Variants in SLC38A9 observed in about 807,000 individuals in gnomAD.
SLC38A9 encodes the protein neutral amino acid transporter 9.
Under a neutral mutation model 62.3 loss-of-function variants are expected in SLC38A9, and 48 were observed. The observed-to-expected ratio is 0.77, with a 90% confidence interval of 0.61 to 0.98. SLC38A9 has a LOEUF of 0.98. Ranked by LOEUF, SLC38A9 falls within the 50% of genes least tolerant of loss-of-function variation. The pLI is 0.00. For synonymous variants in SLC38A9, 204 were observed against 227.7 expected (o/e 0.90, Z 0.94); for missense variants, 541 against 679.8 (o/e 0.80, Z 2.27).
intron 12 of SLC38A9, among the ~76,000 whole-genome samples, chr5:55,644,808 C>A (rs1746045375): frequency 6.6e-6 from 1 of 152,024 alleles, no homozygotes. Context: ...TGCTGGTGTG[C>A]TGCACCCATT....
At chr5:55,665,858 G>C (rs1750373164) in intron 7 of SLC38A9, among the ~76,000 whole-genome samples, 1 of 152,152 alleles carries the variant, frequency 6.6e-6, no homozygotes, top group African/African-American at 2.4e-5. Context: ...AGCTACTCAG[G>C]AGGCTGAGGT....
chr5:55,633,502 T>A, intron 14 of SLC38A9: 1 of 392,116 alleles, frequency 2.6e-6, no homozygotes. Context: ...AGCAATTAAA[T>A]AATAAGATAA....
At chr5:55,662,020 G>C (rs892139735) in intron 8 of SLC38A9, among the ~76,000 whole-genome samples, 28 of 152,102 alleles carry the variant, frequency 1.8e-4, no homozygotes, top group Admixed American at 1.8e-3. Context: ...GTGGAACAAG[G>C]GTAACTTTCA....
At chr5:55,691,329 G>A in intron 3 of SLC38A9, 3 of 1,450,310 alleles carry the variant, frequency 2.1e-6, no homozygotes, top group East Asian at 2.5e-5. Flanking sequence ...TGGTGAATAA[G>A]GGGCAGAAGA....
intron 3 of SLC38A9, chr5:55,696,851 G>A (rs6864532): frequency 0.47 from 70,572 of 151,100 alleles, 16,090 homozygotes; most frequent in South Asian, 0.57. Context: ...CAGACGGGGC[G>A]GCCGGGCAGA....
intron 14 of SLC38A9, 23 bp from the exon 15 acceptor site, chr5:55,628,003 G>A: frequency 6.5e-7 from 1 of 1,544,068 alleles, no homozygotes; most frequent in Non-Finnish European, 8.9e-7. Context: ...AAGAGAGTTT[G>A]GAAGAAAGAA....
intron 3 of SLC38A9, among the ~76,000 whole-genome samples, chr5:55,684,990 G>T (rs1374771306): frequency 6.6e-6 from 1 of 152,186 alleles, no homozygotes; most frequent in East Asian, 1.9e-4. Flanking sequence ...TAATAAACTG[G>T]AATTGGCAGA....
rs3042053 is a variant in SLC38A9 at position 55,700,360 on chromosome 5, CA to C, written c.-34-2369del. Among the ~76,000 whole-genome samples, 91 of 140,012 alleles carry C rather than the reference CA, an allele frequency of 6.5e-4. 4 individuals are homozygous for C. Among genetic ancestry groups the C allele is most frequent in the Admixed American group, 5.0e-3 (69 of 13,938 alleles). The allele number at this position is 140,012 out of a possible 152,430, so 91.9% of individuals were successfully genotyped here. A position where few individuals can be genotyped will look rare whatever the true frequency, so the allele number is the denominator to read the frequency against. On this transcript the variant is annotated intron_variant, in intron 2 of 15. Coordinates refer to ENST00000396865, the MANE Select transcript of SLC38A9 (RefSeq NM_173514.4). ...CCCAATTAAAAAAAATAAAACAAGCCAAAAAAAAAAAGAACTAAAATCCCAG... is the reference window on the plus strand; with the variant it reads ...CCCAATTAAAAAAAATAAAACAAGCCAAAAAAAAAAGAACTAAAATCCCAG...
intron 12 of SLC38A9, among the ~76,000 whole-genome samples, chr5:55,643,736 T>C (rs1008644772): frequency 5.3e-5 from 8 of 152,204 alleles, no homozygotes; most frequent in African/African-American, 1.7e-4. Context: ...TTTAGGATTA[T>C]TATGTCTTCT....
Position 55,656,754 on chromosome 5 carries a change from C to G in SLC38A9, c.718G>C (p.Asp240His), listed in dbSNP as rs143735044. 9 of 1,578,372 alleles carry G rather than the reference C, an allele frequency of 5.7e-6. No homozygotes were observed. Among genetic ancestry groups the G allele is most frequent in the Non-Finnish European group, 7.8e-6 (9 of 1,155,420 alleles). ...FIFNFIHHIN[D>H]TDTILSTNNS... is the part of the protein sequence containing the mutation. Reference sequence around the variant, plus strand: ...TTGGTACTCAGTATAGTGTCTGTGTCATTAATGTGATGAATAAAATCTAAA... The same window carrying G: ...TTGGTACTCAGTATAGTGTCTGTGTGATTAATGTGATGAATAAAATCTAAA... Residue 240 changes from aspartate (D) to histidine (H), a missense_variant, in exon 9 of 16, where the codon GAC (aspartate) becomes CAC (histidine). Coordinates refer to ENST00000396865, the MANE Select transcript of SLC38A9 (RefSeq NM_173514.4).
chr5:55,637,632 C>T lies in SLC38A9; in HGVS notation c.1168-1975G>A, dbSNP rs113309998. On this transcript the variant is annotated intron_variant, in intron 12 of 15. Coordinates refer to ENST00000396865, the MANE Select transcript of SLC38A9 (RefSeq NM_173514.4). ...TTTGTATCCCCAATACCCAGGACCACGCCTGGTACATAGGAGGAACTTGGT... is the reference window on the plus strand; with the variant it reads ...TTTGTATCCCCAATACCCAGGACCATGCCTGGTACATAGGAGGAACTTGGT... Among the ~76,000 whole-genome samples, 898 of 152,260 alleles carry T rather than the reference C, an allele frequency of 5.9e-3. 6 individuals are homozygous for T. Among genetic ancestry groups the T allele is most frequent in the Non-Finnish European group, 0.01 (703 of 68,028 alleles).
intron 13 of SLC38A9, 91 bp from the exon 14 acceptor site, chr5:55,633,993 A>G: frequency 1.0e-6 from 1 of 981,214 alleles, no homozygotes; most frequent in Non-Finnish European, 1.5e-6. Context: ...TTTTGAACAC[A>G]GGTGCTACTC....
intron 4 of SLC38A9, 47 bp from the exon 5 acceptor site, chr5:55,669,926 A>G (rs1179452560): frequency 1.3e-6 from 2 of 1,552,678 alleles, no homozygotes; most frequent in East Asian, 4.5e-5. Flanking sequence ...GGAAATGCAA[A>G]ATAGGATATT....
At chr5:55,639,621 A>G (rs1299408203) in intron 12 of SLC38A9, among the ~76,000 whole-genome samples, 1 of 152,212 alleles carries the variant, frequency 6.6e-6, no homozygotes, top group Non-Finnish European at 1.5e-5. Flanking sequence ...ATATTATGCC[A>G]TGATATTAAC....
intron 14 of SLC38A9, among the ~76,000 whole-genome samples, chr5:55,630,908 G>T (rs1047903484): frequency 2.0e-5 from 3 of 152,140 alleles, no homozygotes; most frequent in Admixed American, 6.5e-5. Context: ...GAGGCAGGCA[G>T]ATCACCTGAG....
intron 3 of SLC38A9, chr5:55,692,469 TTGAAGG>T (rs962073177): frequency 4.8e-4 from 100 of 209,422 alleles, no homozygotes; most frequent in African/African-American, 2.2e-3. Flanking sequence ...ATAACAATGT[TTGAAGG>T]TACTTACATT....
At chr5:55,669,403 C>T (rs1750937620) in intron 6 of SLC38A9, 82 bp from the exon 7 acceptor site, 1 of 1,370,706 alleles carries the variant, frequency 7.3e-7, no homozygotes. Context: ...CCTAAACAAT[C>T]ATGATAAAAA....
At chr5:55,686,004 A>C (rs1030999515) in intron 3 of SLC38A9, among the ~76,000 whole-genome samples, 3 of 152,012 alleles carry the variant, frequency 2.0e-5, no homozygotes, top group Non-Finnish European at 4.4e-5. Flanking sequence ...TGGTGTATGC[A>C]TTTTCTTTAT....
intron 9 of SLC38A9, among the ~76,000 whole-genome samples, chr5:55,655,641 C>T (rs140179233): frequency 2.6e-5 from 4 of 152,222 alleles, no homozygotes; most frequent in African/African-American, 7.2e-5. Context: ...GGAATGTAAA[C>T]TTCATGAGAG....
Sources: allele counts gnomAD v4.1 joint callset (sites outside exome capture counted in the v4.1 genomes callset), GRCh38; gene constraint gnomAD v4.1.1; transcripts MANE v1.5; gene names NCBI Gene and HGNC (gene_info 2026-07-23, HGNC 2026-07-21).